Variants in ASB8 observed in about 807,000 individuals in gnomAD.
ASB8 encodes the protein ankyrin repeat and SOCS box protein 8.
Under a neutral mutation model 22.9 loss-of-function variants are expected in ASB8, and 15 were observed. The ratio of observed to expected loss-of-function variants is 0.66; its 90% confidence interval spans 0.44 to 1.01. ASB8 has a LOEUF of 1.01. Ranked by LOEUF, ASB8 falls within the 50% of genes least tolerant of loss-of-function variation. The pLI is 0.00. For synonymous variants in ASB8, 124 were observed against 140.8 expected (o/e 0.88, Z 0.84); for missense variants, 294 against 356.9 (o/e 0.82, Z 1.42).
In ASB8 at chr12:48,149,342, C is replaced by A. The variant is rs767571264; in HGVS notation, c.*24G>T. On this transcript the variant is annotated 3_prime_UTR_variant, in exon 4 of 4. Transcript: ENST00000317697. ...ACAACCTCACCCAGAGCTGCCTGCA[C>A]GATGGTGCAAACATCTTCTCCGGCT... 2 of 1,602,200 alleles carry A rather than the reference C, an allele frequency of 1.2e-6. No individual in the cohort carries two copies. Among genetic ancestry groups the A allele is most frequent in the African/African-American group, 1.3e-5 (1 of 74,784 alleles).
intron 3 of ASB8, among the ~76,000 whole-genome samples, chr12:48,150,537 G>A (rs1172584223): frequency 6.6e-6 from 1 of 152,226 alleles, no homozygotes; most frequent in Middle Eastern, 3.2e-3. Flanking sequence ...AAAATATGCT[G>A]TGGGTTCACA....
At position 48,149,350 on chromosome 12, in the gene ASB8, C is replaced by T. The variant is rs201684982; in HGVS notation, c.*16G>A. Reference sequence around the variant, plus strand: ...ACCCAGAGCTGCCTGCACGATGGTGCAAACATCTTCTCCGGCTATTCTAAA... The same window carrying T: ...ACCCAGAGCTGCCTGCACGATGGTGTAAACATCTTCTCCGGCTATTCTAAA... On this transcript the variant is annotated 3_prime_UTR_variant, in exon 4 of 4. Coordinates refer to ENST00000317697, the MANE Select transcript of ASB8 (RefSeq NM_024095.5). The T allele has an allele frequency of 6.2e-7, 1 of 1,608,298 alleles. No homozygotes were observed. The highest frequency in any genetic ancestry group is 1.3e-5 in the African/African-American group (1 of 74,802).
At chr12:48,151,668 G>A (rs1951205787) in intron 2 of ASB8, 3 of 1,326,902 alleles carry the variant, frequency 2.3e-6, no homozygotes, top group Non-Finnish European at 3.0e-6. Context: ...ACCATGCTCT[G>A]GAAAAGTAGG....
In ASB8 at chr12:48,151,327, A is replaced by T. The variant is rs766290175; in HGVS notation, c.130-22T>A. 1.9e-6 allele frequency: 3 copies of T among 1,576,224 alleles called. No homozygotes were observed. The East Asian group carries it at 6.7e-5, about 35-fold the overall frequency. Reference sequence around the variant, plus strand: ...CTCCCTGTGGGCAGAAGACAACTTCAGTCAGTGTGTTCAGCTCTGGCTTGC... The same window carrying T: ...CTCCCTGTGGGCAGAAGACAACTTCTGTCAGTGTGTTCAGCTCTGGCTTGC... On this transcript the variant is annotated intron_variant, in intron 2 of 3. Transcript: ENST00000317697.
At position 48,149,220 on chromosome 12, in the gene ASB8, AT is replaced by A; in HGVS notation, c.*145del. ...GTTTGGTTTGGGAAGGGGAGGTGCTATGGAGGTTATTGTTGTGACATGTTGC... is the reference window on the plus strand; with the variant it reads ...GTTTGGTTTGGGAAGGGGAGGTGCTAGGAGGTTATTGTTGTGACATGTTGC... On this transcript the variant is annotated 3_prime_UTR_variant, in exon 4 of 4. Transcript: ENST00000317697. 1.2e-6 allele frequency: 1 copy of A among 839,534 alleles called. No homozygotes were observed. The highest frequency in any genetic ancestry group is 1.8e-6 in the Non-Finnish European group (1 of 556,216). 52.0% of individuals were successfully genotyped at this position (839,534 alleles called of 1,614,324 possible).
intron 1 of ASB8, among the ~76,000 whole-genome samples, chr12:48,154,833 C>T (rs977576007): frequency 6.6e-6 from 1 of 151,700 alleles, no homozygotes; most frequent in Non-Finnish European, 1.5e-5. Context: ...TCCAGCTACT[C>T]GGGAGGCTGA....
In ASB8 at chr12:48,153,396, T is replaced by A. The variant is rs376414157; in HGVS notation, c.101A>T (p.His34Leu). ...TCTGATGAGGTCCTCTACATTATCA[T>A]GTGGGAAGGAACGGATGGCAGCAAT... ...RTIAAIRSFP[H>L]DNVEDLIRGG... The change falls in exon 2 of 4, where the codon CAT becomes CTT. Residue 34 changes from histidine (H) to leucine (L), a missense_variant. Transcript: ENST00000317697. The A allele has an allele frequency of 3.7e-6, 6 of 1,613,972 alleles. No individual in the cohort carries two copies. Among genetic ancestry groups the A allele is most frequent in the Non-Finnish European group, 5.1e-6 (6 of 1,179,860 alleles).
intron 1 of ASB8, 31 bp from the exon 2 acceptor site, chr12:48,153,560 T>C (rs1384396728): frequency 1.3e-6 from 2 of 1,563,142 alleles, no homozygotes; most frequent in East Asian, 4.5e-5. Flanking sequence ...GCATATACAA[T>C]ATCACTGAGC....
chr12:48,157,295 AGACG>A lies in ASB8; in HGVS notation c.-34+160_-34+163del, dbSNP rs1180660506. ...CACGCAATTTGCGCTGGGGGGCCTC[AGACG>A]CGGACCAACCCCCTCTTCGATCTGC... On this transcript the variant is annotated intron_variant, in intron 1 of 3. Transcript: ENST00000317697. 2.6e-5 allele frequency: 4 copies of A among 152,432 alleles called. No homozygotes were observed. The East Asian group carries it at 7.7e-4, about 29-fold the overall frequency. The allele number at this position is 152,432 out of a possible 1,614,324, so 9.4% of individuals were successfully genotyped here. A position where few individuals can be genotyped will look rare whatever the true frequency, so the allele number is the denominator to read the frequency against.
rs1033537701 is a variant in ASB8, at chr12:48,148,521, A to G, written c.*845T>C. ...CAGTCCCTTCCAAATGCCCCAGGACATGGCACAGTAGGGATGTCATCCAGC... is the reference window on the plus strand; with the variant it reads ...CAGTCCCTTCCAAATGCCCCAGGACGTGGCACAGTAGGGATGTCATCCAGC... On this transcript the variant is annotated 3_prime_UTR_variant, in exon 4 of 4. Coordinates refer to ENST00000317697, the MANE Select transcript of ASB8 (RefSeq NM_024095.5). 6.6e-6 allele frequency: 1 copy of G among 152,172 alleles called. No individual in the cohort carries two copies. Among genetic ancestry groups the G allele is most frequent in the Admixed American group, 6.5e-5 (1 of 15,272 alleles). The allele number at this position is 152,172 out of a possible 1,614,324, so 9.4% of individuals were successfully genotyped here.
At position 48,149,245 on chromosome 12, in the gene ASB8, G is replaced by T; in HGVS notation, c.*121C>A. On this transcript the variant is annotated 3_prime_UTR_variant, in exon 4 of 4. Transcript: ENST00000317697. ...ATGGAGGTTATTGTTGTGACATGTT[G>T]CTTCGAAATCTATAAACCACACAAC... 2.7e-6 allele frequency: 3 copies of T among 1,098,506 alleles called. No homozygotes were observed. The highest frequency in any genetic ancestry group is 2.6e-6 in the Non-Finnish European group (2 of 782,944). The allele number at this position is 1,098,506 out of a possible 1,614,324, so 68.0% of individuals were successfully genotyped here.
At chr12:48,153,244 C>G (rs1951230952) in intron 2 of ASB8, 124 bp downstream of exon 2, 13 of 1,153,824 alleles carry the variant, frequency 1.1e-5, no homozygotes, top group Non-Finnish European at 1.5e-5. Flanking sequence ...CAAGTTAATG[C>G]AGTTAGCAAA....
In ASB8 at chr12:48,149,249, C is replaced by T. The variant is rs1415295707; in HGVS notation, c.*117G>A. On this transcript the variant is annotated 3_prime_UTR_variant, in exon 4 of 4. Coordinates refer to ENST00000317697, the MANE Select transcript of ASB8 (RefSeq NM_024095.5). The stretch of plus-strand genomic sequence containing the variant: ...AGGTTATTGTTGTGACATGTTGCTT[C>T]GAAATCTATAAACCACACAACAGGA... 9 of 1,163,956 alleles carry T rather than the reference C, an allele frequency of 7.7e-6. No homozygotes were observed. Among genetic ancestry groups the T allele is most frequent in the African/African-American group, 4.6e-5 (3 of 64,530 alleles). 72.1% of individuals were successfully genotyped at this position (1,163,956 alleles called of 1,614,324 possible).
chr12:48,150,162 T>C (rs1221610917), intron 3 of ASB8, 164 bp from the exon 4 acceptor site: 2 of 768,938 alleles, frequency 2.6e-6, no homozygotes, highest in Admixed American at 2.0e-5. Context: ...GATGAAGATA[T>C]GACAGGAGCT....
In ASB8 at chr12:48,149,639, T is replaced by TC. The variant is rs1951161343; in HGVS notation, c.593dup (p.Leu199ThrfsTer11). On this transcript the variant is annotated frameshift_variant, in exon 4 of 4. Coordinates refer to ENST00000317697, the MANE Select transcript of ASB8 (RefSeq NM_024095.5). LOFTEE classifies it high-confidence loss of function. ...AAGAGTCCTCTTTCTCTGTTCCAAG[T>TC]CCCCTGACTAGCAGAGCCACCAGGC... 1 of 1,614,014 alleles carries TC rather than the reference T, an allele frequency of 6.2e-7. No homozygotes were observed. The highest frequency in any genetic ancestry group is 1.1e-5 in the South Asian group (1 of 91,084).
rs1477818661 is a variant in ASB8, at chr12:48,149,184, T to C, written c.*182A>G. The C allele has an allele frequency of 1.1e-5, 7 of 653,214 alleles. No homozygotes were observed. Among genetic ancestry groups the C allele is most frequent in the African/African-American group, 1.8e-5 (1 of 54,884 alleles). 40.5% of individuals were successfully genotyped at this position (653,214 alleles called of 1,614,324 possible). A position where few individuals can be genotyped will look rare whatever the true frequency, so the allele number is the denominator to read the frequency against. ...CAGAAAACAAAAGTGAGGGATTTTT[T>C]TTGTTGGGTTGTTTGGTTTGGGAAG... On this transcript the variant is annotated 3_prime_UTR_variant, in exon 4 of 4. Coordinates refer to ENST00000317697, the MANE Select transcript of ASB8 (RefSeq NM_024095.5).
At chr12:48,153,098 A>G (rs1296619995) in intron 2 of ASB8, 13 of 374,488 alleles carry the variant, frequency 3.5e-5, no homozygotes, top group Non-Finnish European at 5.6e-5. Flanking sequence ...TTACATATGC[A>G]TCGTACTCAG....
At chr12:48,152,185 C>A (rs910701355) in intron 2 of ASB8, among the ~76,000 whole-genome samples, 1 of 151,854 alleles carries the variant, frequency 6.6e-6, no homozygotes, top group African/African-American at 2.4e-5. Flanking sequence ...GATGGAGATA[C>A]CAGTCAGACC....
At chr12:48,151,516 T>C (rs1318486472) in intron 2 of ASB8, 2 of 1,328,762 alleles carry the variant, frequency 1.5e-6, no homozygotes, top group African/African-American at 1.5e-5. Flanking sequence ...GTTAATTCCT[T>C]AGATCAAGTT....
Sources: allele counts gnomAD v4.1 joint callset (sites outside exome capture counted in the v4.1 genomes callset), GRCh38; gene constraint gnomAD v4.1.1; transcripts MANE v1.5; gene names NCBI Gene and HGNC (gene_info 2026-07-23, HGNC 2026-07-21).